NEDD1: variants seen among roughly 807,000 people sequenced by gnomAD.
NEDD1 encodes NEDD1 gamma-tubulin ring complex targeting factor, also known as protein NEDD1.
NEDD1 carries 33 observed loss-of-function variants against 74.0 expected under a neutral mutation model. The observed-to-expected ratio is 0.45, with a 90% confidence interval of 0.34 to 0.60. NEDD1 has a LOEUF of 0.60. Among genes scored for constraint, NEDD1 ranks in the 20% least tolerant of loss-of-function variants. The pLI is 0.01. For missense variants in NEDD1, 746 were observed against 776.5 expected (o/e 0.96, Z 0.47); for synonymous variants, 250 against 264.4 (o/e 0.95, Z 0.53).
At chr12:96,933,668 T>A (rs565743069) in intron 6 of NEDD1, among the ~76,000 whole-genome samples, 1 of 152,306 alleles carries the variant, frequency 6.6e-6, no homozygotes, top group Non-Finnish European at 1.5e-5. Context: ...CCTTTTTGTT[T>A]TTTTTTCTTA....
At chr12:96,943,415 CG>C (rs1031384026) in intron 11 of NEDD1, 144 bp from the exon 12 acceptor site, 10 of 604,946 alleles carry the variant, frequency 1.7e-5, no homozygotes, top group Admixed American at 6.1e-5. Flanking sequence ...ACATCAATTG[CG>C]GGGTGTATCT....
intron 6 of NEDD1, among the ~76,000 whole-genome samples, chr12:96,926,823 C>CA (rs1875747947): frequency 1.3e-5 from 2 of 151,782 alleles, no homozygotes; most frequent in Admixed American, 1.3e-4. Context: ...GCCATCTCTA[C>CA]AAAAAATACA....
intron 9 of NEDD1, 76 bp from the exon 10 acceptor site, chr12:96,940,333 T>C (rs1877538378): frequency 1.2e-6 from 1 of 833,354 alleles, no homozygotes. Context: ...AGTGATACAT[T>C]AATTTTTACA....
chr12:96,908,114 TG>T (rs896606382), intron 2 of NEDD1, among the ~76,000 whole-genome samples: 1 of 152,190 alleles, frequency 6.6e-6, no homozygotes, highest in Non-Finnish European at 1.5e-5. Flanking sequence ...TTCCTTGACT[TG>T]GGAACCAAGG....
intron 3 of NEDD1, among the ~76,000 whole-genome samples, chr12:96,911,537 A>G (rs571487632): frequency 6.6e-6 from 1 of 152,322 alleles, no homozygotes; most frequent in South Asian, 2.1e-4. Flanking sequence ...ATAGATTCCA[A>G]GAATGGGGTT....
chr12:96,949,212 C>T (rs1193640291), intron 14 of NEDD1, among the ~76,000 whole-genome samples: 5 of 152,192 alleles, frequency 3.3e-5, no homozygotes, highest in African/African-American at 9.6e-5. Context: ...CTTTCGTTTG[C>T]AAGATCATGG....
chr12:96,909,708 A>T (rs748009581), intron 2 of NEDD1, 44 bp from the exon 3 acceptor site: 3 of 1,523,652 alleles, frequency 2.0e-6, no homozygotes, highest in Non-Finnish European at 9.0e-7. Context: ...GAGTATGTCT[A>T]TTCTTAAATG....
intron 2 of NEDD1, among the ~76,000 whole-genome samples, chr12:96,908,420 A>G (rs1407782986): frequency 6.6e-6 from 1 of 152,178 alleles, no homozygotes; most frequent in African/African-American, 2.4e-5. Flanking sequence ...CATACTAGGA[A>G]GGTGTGGGAG....
At chr12:96,918,467 A>G (rs575887689) in intron 5 of NEDD1, among the ~76,000 whole-genome samples, 29 of 152,230 alleles carry the variant, frequency 1.9e-4, no homozygotes, top group Admixed American at 9.2e-4. Flanking sequence ...TCTTTAATCC[A>G]TCTCCCATGT....
intron 6 of NEDD1, among the ~76,000 whole-genome samples, chr12:96,930,201 ACACACACACACTCTCTCTCTCTCT>A (rs1161339438): frequency 1.9e-4 from 12 of 62,404 alleles, no homozygotes; most frequent in African/African-American, 6.8e-4. Context: ...ACACACACAC[ACACACACACACTCTCTCTCTCTCT>A]CTCTCTCTCT....
chr12:96,926,992 G>A (rs71460367), intron 6 of NEDD1, among the ~76,000 whole-genome samples: 1 of 138,582 alleles, frequency 7.2e-6, no homozygotes, highest in Non-Finnish European at 1.6e-5. Flanking sequence ...AAAAAATTGT[G>A]TGTGTGTGTG....
intron 6 of NEDD1, among the ~76,000 whole-genome samples, chr12:96,931,152 A>G (rs1240741796): frequency 6.6e-6 from 1 of 152,168 alleles, no homozygotes; most frequent in Non-Finnish European, 1.5e-5. Context: ...ATATGTGTGT[A>G]TGTTCATATG....
rs548567108 is a variant in NEDD1 at position 96,936,882 on chromosome 12, G to A, written c.921+70G>A. On this transcript the variant is annotated intron_variant, in intron 8 of 15. Transcript: ENST00000266742. ...CTAACTCAGAATATGGAAATTATATGTGGTCAATTAAACAGTATAGTTTTG... is the reference window on the plus strand; with the variant it reads ...CTAACTCAGAATATGGAAATTATATATGGTCAATTAAACAGTATAGTTTTG... 1.4e-4 allele frequency: 126 copies of A among 933,090 alleles called. No individual in the cohort carries two copies. The African/African-American group carries it at 1.9e-3, about 14-fold the overall frequency. The allele number at this position is 933,090 out of a possible 1,614,324, so 57.8% of individuals were successfully genotyped here.
At chr12:96,938,168 C>T (rs1248191288) in intron 9 of NEDD1, among the ~76,000 whole-genome samples, 1 of 151,532 alleles carries the variant, frequency 6.6e-6, no homozygotes, top group African/African-American at 2.4e-5. Context: ...CAAGTAGAAG[C>T]AAAACTTTAA....
intron 4 of NEDD1, among the ~76,000 whole-genome samples, chr12:96,915,777 A>T (rs1456230970): frequency 6.6e-6 from 1 of 152,236 alleles, no homozygotes; most frequent in African/African-American, 2.4e-5. Context: ...TATTTTAGCC[A>T]TTCTATAAAG....
chr12:96,936,767 A>G lies in NEDD1; in HGVS notation c.876A>G (p.Thr292=), dbSNP rs772804232. 8.1e-6 allele frequency: 13 copies of G among 1,612,648 alleles called. No individual in the cohort carries two copies. The highest frequency in any genetic ancestry group is 1.7e-5 in the Admixed American group (1 of 59,986). Residue 292 remains threonine (T), a synonymous_variant, in exon 8 of 16, where the codon ACA becomes ACG. Coordinates refer to ENST00000266742, the MANE Select transcript of NEDD1 (RefSeq NM_152905.4). ...TTAAGACCATCAGTGCTCACAAGAC[A>G]TCTGTGCAGTGTATAGCATTTCAGT... ...SPVKTISAHK[T]SVQCIAFQYS...
intron 13 of NEDD1, 97 bp downstream of exon 13, chr12:96,944,892 A>G: frequency 1.1e-6 from 1 of 902,050 alleles, no homozygotes; most frequent in South Asian, 2.1e-5. Context: ...ATCATAGACT[A>G]AAAATGTTCA....
At chr12:96,916,628 G>A (rs1488103388) in intron 4 of NEDD1, among the ~76,000 whole-genome samples, 1 of 148,362 alleles carries the variant, frequency 6.7e-6, no homozygotes, top group Non-Finnish European at 1.5e-5. Context: ...GTGTATATGT[G>A]CCACATTTTC....
intron 6 of NEDD1, among the ~76,000 whole-genome samples, chr12:96,934,481 CCTTT>C (rs1359162481): frequency 6.6e-6 from 1 of 151,126 alleles, no homozygotes; most frequent in African/African-American, 2.4e-5. Flanking sequence ...AATTTGTTAC[CCTTT>C]CTTTTCTTTT....
Sources: gnomAD v4.1 joint callset for allele counts (sites outside exome capture counted in the v4.1 genomes callset) on GRCh38, gnomAD v4.1.1 for gene constraint, MANE v1.5 for transcripts, NCBI Gene and HGNC (gene_info 2026-07-23, HGNC 2026-07-21) for gene names.